PRPF31: variants seen among roughly 807,000 people sequenced by gnomAD.
PRPF31 encodes U4/U6 small nuclear ribonucleoprotein Prp31.
Under a neutral mutation model 60.4 loss-of-function variants are expected in PRPF31, and 12 were observed. That is an observed-to-expected ratio of 0.20 (90% CI 0.13 to 0.32). The LOEUF is 0.32. Ranked by LOEUF, PRPF31 falls within the 10% of genes least tolerant of loss-of-function variation. The pLI, the probability that PRPF31 is intolerant of heterozygous loss-of-function variation, is 1.00. For missense variants in PRPF31, 431 were observed against 687.1 expected (o/e 0.63, Z 4.17); for synonymous variants, 287 against 287.9 (o/e 1.00, Z 0.03).
chr19:54,128,037 C>T, intron 9 of PRPF31, 36 bp from the exon 10 acceptor site: 4 of 1,548,218 alleles, frequency 2.6e-6, no homozygotes, highest in Non-Finnish European at 2.6e-6. Context: ...GCAGCCCACG[C>T]GAGCAGCTGC....
In PRPF31 at chr19:54,123,322, A is replaced by G. The variant is rs1297702434; in HGVS notation, c.421-132A>G. The stretch of plus-strand genomic sequence containing the variant: ...GGATGCTTCAGGCGGTGGAGGCAGG[A>G]GAGGCCCCCAGTGCAGAGACCCTGA... On this transcript the variant is annotated intron_variant, in intron 5 of 13. Transcript: ENST00000321030. The G allele has an allele frequency of 5.2e-6, 4 of 762,452 alleles. No homozygotes were observed. The East Asian group carries it at 7.6e-5, about 14-fold the overall frequency. 47.2% of individuals were successfully genotyped at this position (762,452 alleles called of 1,614,324 possible). A position where few individuals can be genotyped will look rare whatever the true frequency, so the allele number is the denominator to read the frequency against.
chr19:54,124,538 C>T lies in PRPF31; in HGVS notation c.737C>T (p.Ala246Val). The change falls in exon 8 of 14, where the codon GCC (alanine) becomes GTC (valine). Residue 246 changes from alanine (A) to valine (V), a missense_variant. Around this residue, in one of 4 missense-constraint regions of PRPF31, gnomAD observed 314 missense variants for 475.3 expected, o/e 0.66. Coordinates refer to ENST00000321030, the MANE Select transcript of PRPF31 (RefSeq NM_015629.4). Reference protein sequence around the residue: ...GGLTNLSKMPACNIMLLGAQR... With the variant: ...GGLTNLSKMPVCNIMLLGAQR... Reference sequence around the variant, plus strand: ...CTGACCAACCTCTCCAAGATGCCCGCCTGCAACATCATGCTGCTCGGGGCC... The same window carrying T: ...CTGACCAACCTCTCCAAGATGCCCGTCTGCAACATCATGCTGCTCGGGGCC... 6.2e-7 allele frequency: 1 copy of T among 1,611,856 alleles called. No homozygotes were observed. Among genetic ancestry groups the T allele is most frequent in the Non-Finnish European group, 8.5e-7 (1 of 1,179,774 alleles).
chr19:54,118,346 A>G lies in PRPF31; in HGVS notation c.68A>G (p.Tyr23Cys), dbSNP rs764971431. ...GCAGAAGAGGAGGAAGGAGGAAGCT[A>G]TGGGGAGGAAGAAGAGGAGCCAGCG... The part of the protein sequence containing the change: ...EAAEEEEGGS[Y>C]GEEEEEPAIE... The change falls in exon 2 of 14, where the codon TAT becomes TGT. Residue 23 changes from tyrosine to cysteine, a missense_variant. Transcript: ENST00000321030. 1.2e-6 allele frequency: 2 copies of G among 1,613,938 alleles called. No individual in the cohort carries two copies. Among genetic ancestry groups the G allele is most frequent in the South Asian group, 1.1e-5 (1 of 91,060 alleles).
At position 54,128,107 on chromosome 19, in the gene PRPF31, A is replaced by C; in HGVS notation, c.980A>C (p.Lys327Thr). 6.5e-7 allele frequency: 1 copy of C among 1,550,144 alleles called. No homozygotes were observed. Among genetic ancestry groups the C allele is most frequent in the Non-Finnish European group, 8.7e-7 (1 of 1,147,372 alleles). Residue 327 changes from lysine to threonine, a missense_variant, in exon 10 of 14, where the codon AAA becomes ACA. Around this residue, in one of 4 missense-constraint regions of PRPF31, gnomAD observed 314 missense variants for 475.3 expected, o/e 0.66. Coordinates refer to ENST00000321030, the MANE Select transcript of PRPF31 (RefSeq NM_015629.4). The stretch of plus-strand genomic sequence containing the variant: ...GAACTGAAGGATGAGATCGAGCGCA[A>C]ATTCGACAAGTGGCAGGAGCCGCCG... The part of the protein sequence containing the change: ...GYELKDEIER[K>T]FDKWQEPPPV...
At chr19:54,118,194 G>A (rs2073697548) in intron 1 of PRPF31, 77 bp from the exon 2 acceptor site, 9 of 1,602,208 alleles carry the variant, frequency 5.6e-6, no homozygotes, top group South Asian at 2.2e-5. Context: ...GGGTCTTCTG[G>A]GGGAGAATCA....
Position 54,118,425 on chromosome 19 carries a change from G to A in PRPF31, c.147G>A (p.Lys49=). ...TQLDLSGDSV[K]TIAKLWDSKM... Reference sequence around the variant, plus strand: ...TGGATCTTTCCGGGGATTCAGTCAAGACCATCGCCAAGCTATGGGATAGTA... The same window carrying A: ...TGGATCTTTCCGGGGATTCAGTCAAAACCATCGCCAAGCTATGGGATAGTA... Residue 49 remains lysine (K), a synonymous_variant, in exon 2 of 14, where the codon AAG becomes AAA. Coordinates refer to ENST00000321030, the MANE Select transcript of PRPF31 (RefSeq NM_015629.4). 6.2e-7 allele frequency: 1 copy of A among 1,614,134 alleles called. No homozygotes were observed. The highest frequency in any genetic ancestry group is 8.5e-7 in the Non-Finnish European group (1 of 1,180,026).
intron 1 of PRPF31, 23 bp downstream of exon 1, chr19:54,115,820 G>A (rs773437900): frequency 4.3e-4 from 92 of 215,600 alleles, no homozygotes; most frequent in Non-Finnish European, 2.6e-4. Context: ...GGGACCACGG[G>A]GAGCGGGAGG....
At position 54,126,588 on chromosome 19, in the gene PRPF31, G is replaced by A. The variant is rs878853333; in HGVS notation, c.916G>A (p.Asp306Asn). 6.2e-7 allele frequency: 1 copy of A among 1,613,730 alleles called. No individual in the cohort carries two copies. Among genetic ancestry groups the A allele is most frequent in the Non-Finnish European group, 8.5e-7 (1 of 1,179,896 alleles). ...CAAGTGCACACTGGCAGCCCGTGTG[G>A]ACAGTTTCCACGAGAGCACAGAAGG... ...AAKCTLAARV[D>N]SFHESTEGKV... is the part of the protein sequence containing the mutation. Residue 306 changes from aspartate (D) to asparagine (N), a missense_variant, in exon 9 of 14, where the codon GAC becomes AAC. Asp to Asn is a conservative substitution (Grantham distance 23). Around this residue, in one of 4 missense-constraint regions of PRPF31, gnomAD observed 314 missense variants for 475.3 expected, o/e 0.66. Coordinates refer to ENST00000321030, the MANE Select transcript of PRPF31 (RefSeq NM_015629.4).
At chr19:54,122,034 C>A in intron 4 of PRPF31, 91 bp downstream of exon 4, 1 of 1,346,176 alleles carries the variant, frequency 7.4e-7, no homozygotes, top group Middle Eastern at 1.8e-4. Flanking sequence ...GGGTCCTGCC[C>A]CTAAGCCCAA....
At chr19:54,117,862 A>G (rs370770884) in intron 1 of PRPF31, among the ~76,000 whole-genome samples, 1 of 152,098 alleles carries the variant, frequency 6.6e-6, no homozygotes, top group East Asian at 1.9e-4. Context: ...TAAAAAATAA[A>G]TAAATAAAGA....
intron 9 of PRPF31, among the ~76,000 whole-genome samples, chr19:54,127,855 G>A (rs1402840331): frequency 2.6e-5 from 4 of 152,228 alleles, no homozygotes; most frequent in African/African-American, 7.2e-5. Context: ...GGACATTCTT[G>A]TTGGGGCCGG....
intron 3 of PRPF31, chr19:54,120,112 G>C (rs1239153161): frequency 6.6e-6 from 1 of 152,328 alleles, no homozygotes; most frequent in Non-Finnish European, 1.5e-5. Flanking sequence ...GAGCATGAAT[G>C]CATGTGCCAG....
chr19:54,126,906 G>A (rs981846082), intron 9 of PRPF31, among the ~76,000 whole-genome samples: 4 of 152,168 alleles, frequency 2.6e-5, no homozygotes, highest in East Asian at 3.8e-4. Context: ...CAGGGTGGGC[G>A]GGTCACAAGG....
At chr19:54,124,795 G>A in intron 8 of PRPF31, 139 bp downstream of exon 8, 1 of 1,031,260 alleles carries the variant, frequency 9.7e-7, no homozygotes, top group Non-Finnish European at 1.5e-6. Context: ...CATGGGACGT[G>A]AGAGCCAGGG....
chr19:54,129,778 G>T (rs2074009308), intron 13 of PRPF31, among the ~76,000 whole-genome samples: 1 of 150,896 alleles, frequency 6.6e-6, no homozygotes, highest in South Asian at 2.2e-4. Context: ...CCAGGCCCCA[G>T]CCAGTCAGCA....
intron 9 of PRPF31, 28 bp downstream of exon 9, chr19:54,126,645 G>T: frequency 6.2e-7 from 1 of 1,600,882 alleles, no homozygotes; most frequent in East Asian, 2.2e-5. Context: ...AGGGGCGGCC[G>T]GGCGTCTTTT....
At chr19:54,128,499 G>GCCC (rs1179617191) in intron 11 of PRPF31, 122 bp downstream of exon 11, 2 of 968,388 alleles carry the variant, frequency 2.1e-6, no homozygotes, top group Admixed American at 2.2e-5. Context: ...CGCTGCCCCA[G>GCCC]CCTCCCCCCC....
Position 54,131,501 on chromosome 19 carries a change from G to A in PRPF31, c.*69G>A. The A allele has an allele frequency of 1.3e-6, 2 of 1,585,554 alleles. No individual in the cohort carries two copies. Among genetic ancestry groups the A allele is most frequent in the Non-Finnish European group, 1.7e-6 (2 of 1,165,084 alleles). ...GAGGTCCAGTCCTTCTGAAGGGCTA[G>A]GATCGGGTTCTGGCAGGGAGAACCT... On this transcript the variant is annotated 3_prime_UTR_variant, in exon 14 of 14. Transcript: ENST00000321030.
intron 3 of PRPF31, among the ~76,000 whole-genome samples, chr19:54,119,216 A>G (rs991829939): frequency 2.0e-5 from 3 of 151,948 alleles, no homozygotes; most frequent in Non-Finnish European, 4.4e-5. Context: ...CCCCGTCTCT[A>G]CTAAAAATAC....
Sources: gnomAD v4.1 joint callset for allele counts (sites outside exome capture counted in the v4.1 genomes callset) on GRCh38, gnomAD v4.1.1 for gene constraint, gnomAD v4.1.1 regional missense constraint, MANE v1.5 for transcripts, NCBI Gene and HGNC (gene_info 2026-07-23, HGNC 2026-07-21) for gene names.